Variants in TRIM66 observed in about 807,000 individuals in gnomAD.
TRIM66 encodes the protein tripartite motif containing 66.
TRIM66 carries 99 observed loss-of-function variants against 148.2 expected under a neutral mutation model. The observed-to-expected ratio is 0.67, with a 90% CI of 0.57 to 0.79. The LOEUF is 0.79. TRIM66 is among the 30% of genes least tolerant of loss of function. The probability of loss-of-function intolerance (pLI) is 0.00; values close to 1 mark genes in which losing one functional copy is unlikely to be tolerated. For synonymous variants in TRIM66, 616 were observed against 635.9 expected (o/e 0.97, Z 0.47); for missense variants, 1,666 against 1,697.9 (o/e 0.98, Z 0.33).
Position 8,679,704 on chromosome 11 carries a change from A to AAAT in TRIM66, c.-277_-275dup. On this transcript the variant is annotated 5_prime_UTR_variant, in exon 3 of 25. Transcript: ENST00000646038. ...GCACTTACTGGCCAGTTTTGATGTC[A>AAAT]AATAGACGACGATGTCTTCTTTGAT... The AAAT allele has an allele frequency of 6.5e-6, 1 of 152,742 alleles. No individual in the cohort carries two copies. The highest frequency in any genetic ancestry group is 1.9e-4 in the East Asian group (1 of 5,172). The allele number at this position is 152,742 out of a possible 1,614,324, so 9.5% of individuals were successfully genotyped here.
intron 4 of TRIM66, among the ~76,000 whole-genome samples, chr11:8,674,285 ATT>A (rs2039078368): frequency 6.6e-6 from 1 of 152,270 alleles, no homozygotes; most frequent in Non-Finnish European, 1.5e-5. Flanking sequence ...AGCTGAGAAA[ATT>A]TTAAAACATT....
intron 6 of TRIM66, among the ~76,000 whole-genome samples, chr11:8,667,640 CT>C (rs1386064161): frequency 6.6e-6 from 1 of 152,222 alleles, no homozygotes; most frequent in Non-Finnish European, 1.5e-5. Flanking sequence ...CTCTGAACAT[CT>C]CATGTAACCA....
At chr11:8,649,570 G>C (rs1468865679) in intron 8 of TRIM66, among the ~76,000 whole-genome samples, 170 bp downstream of exon 8, 3 of 152,202 alleles carry the variant, frequency 2.0e-5, no homozygotes, top group African/African-American at 7.2e-5. Context: ...AGGGACGAGA[G>C]TGAGTCACCC....
At chr11:8,664,880 A>C (rs917296451) in intron 6 of TRIM66, among the ~76,000 whole-genome samples, 1 of 152,126 alleles carries the variant, frequency 6.6e-6, no homozygotes, top group Non-Finnish European at 1.5e-5. Context: ...CTGTTGAAGA[A>C]TTAGAGTTGA....
upstream of TRIM66, chr11:8,683,024 G>A (rs931330037): frequency 5.9e-6 from 5 of 844,372 alleles, no homozygotes; most frequent in Admixed American, 2.8e-5. Context: ...AGGACACGCG[G>A]GCCCCTGCGC....
chr11:8,643,337 CT>C (rs376014687), intron 12 of TRIM66, among the ~76,000 whole-genome samples: 13,911 of 140,282 alleles, frequency 0.099, 737 homozygotes, highest in East Asian at 0.25. Flanking sequence ...AACCTACATT[CT>C]TTTTTTTTTT....
At chr11:8,624,216 G>C in intron 17 of TRIM66, 143 bp downstream of exon 17, 1 of 933,334 alleles carries the variant, frequency 1.1e-6, no homozygotes, top group Non-Finnish European at 1.6e-6. Context: ...GACAGTTCCG[G>C]AGGAGAGAAG....
At chr11:8,632,989 A>G (rs2035553130) in intron 15 of TRIM66, among the ~76,000 whole-genome samples, 1 of 152,158 alleles carries the variant, frequency 6.6e-6, no homozygotes, top group Non-Finnish European at 1.5e-5. Context: ...AGTAAAGAGG[A>G]TCTCAGAATC....
intron 6 of TRIM66, among the ~76,000 whole-genome samples, chr11:8,670,007 G>GTTTTTTTTTTTTTTTTTT (rs752586311): frequency 7.2e-6 from 1 of 138,474 alleles, no homozygotes. Context: ...GTCTTGTTTT[G>GTTTTTTTTTTTTTTTTTT]TTTTTATTTA....
chr11:8,668,616 C>T lies in TRIM66; in HGVS notation c.340+3170G>A, dbSNP rs951597030. Among the ~76,000 whole-genome samples, 8 of 151,486 alleles carry T rather than the reference C, an allele frequency of 5.3e-5. No homozygotes were observed. In the South Asian group the frequency reaches 6.3e-4, roughly 12 times the overall value. ...TTTTTTTTTTTTTGAGATGGAGTCT[C>T]GCTCTGTCGCCCAGGCTGGAGTGCA... On this transcript the variant is annotated intron_variant, in intron 6 of 24. Transcript: ENST00000646038.
intron 3 of TRIM66, among the ~76,000 whole-genome samples, chr11:8,676,198 C>G (rs1427649753): frequency 6.6e-6 from 1 of 151,506 alleles, no homozygotes; most frequent in Non-Finnish European, 1.5e-5. Context: ...AAATTGTTAC[C>G]ACTTCATCAT....
At chr11:8,645,423 T>C (rs1192185451) in intron 12 of TRIM66, among the ~76,000 whole-genome samples, 2 of 152,190 alleles carry the variant, frequency 1.3e-5, no homozygotes, top group Non-Finnish European at 2.9e-5. Flanking sequence ...AGCACACTGC[T>C]CATGTCCAGG....
chr11:8,624,236 C>T, intron 17 of TRIM66, 123 bp downstream of exon 17: 1 of 1,118,550 alleles, frequency 8.9e-7, no homozygotes, highest in South Asian at 1.6e-5. Context: ...GTAAATTCAG[C>T]CTCAGAGAGA....
intron 10 of TRIM66, among the ~76,000 whole-genome samples, chr11:8,647,355 C>T (rs546761405): frequency 6.6e-6 from 1 of 152,208 alleles, no homozygotes; most frequent in Non-Finnish European, 1.5e-5. Flanking sequence ...AGCACAGTCA[C>T]TGGCTAGTTG....
At chr11:8,656,100 C>T (rs1249190899) in intron 6 of TRIM66, among the ~76,000 whole-genome samples, 3 of 152,194 alleles carry the variant, frequency 2.0e-5, no homozygotes, top group African/African-American at 7.2e-5. Flanking sequence ...TCTTCCCTCA[C>T]AAAGTCCCTA....
chr11:8,667,067 C>T (rs1250455929), intron 6 of TRIM66, among the ~76,000 whole-genome samples: 1 of 152,148 alleles, frequency 6.6e-6, no homozygotes, highest in African/African-American at 2.4e-5. Context: ...ATCCACCTGC[C>T]TTGGCCTCTC....
intron 15 of TRIM66, among the ~76,000 whole-genome samples, chr11:8,633,305 A>G (rs1228157386): frequency 6.6e-6 from 1 of 150,758 alleles, no homozygotes. Context: ...CTGGGCAACA[A>G]GAGTGAAACT....
chr11:8,673,839 ATCTGGG>A (rs2039056989), intron 4 of TRIM66, among the ~76,000 whole-genome samples: 1 of 152,212 alleles, frequency 6.6e-6, no homozygotes, highest in Non-Finnish European at 1.5e-5. Flanking sequence ...TTTAATTCAA[ATCTGGG>A]TCTTGGTAAT....
In TRIM66 at chr11:8,671,809, T is replaced by C. The variant is rs1267939230; in HGVS notation, c.317A>G (p.Lys106Arg). ...ACCATCTGCAACAGTCTCATGAGCC[T>C]TGGCAATCTGCCCTAGCTCCTGTAT... is the stretch of plus-strand genomic sequence containing the variant. ...GLIQELGQIAKAHETVADELI... is the reference protein window; with the variant it reads ...GLIQELGQIARAHETVADELI... Residue 106 changes from lysine to arginine, a missense_variant, in exon 6 of 25, where the codon AAG becomes AGG. Physicochemically the swap from Lys to Arg is conservative, Grantham distance 26 (BLOSUM62 2). Transcript: ENST00000646038. The C allele has an allele frequency of 1.4e-6, 2 of 1,475,892 alleles. No homozygotes were observed. Among genetic ancestry groups the C allele is most frequent in the Non-Finnish European group, 1.8e-6 (2 of 1,091,942 alleles). 91.4% of individuals were successfully genotyped at this position (1,475,892 alleles called of 1,614,324 possible).
Sources: gnomAD v4.1 joint callset for allele counts (sites outside exome capture counted in the v4.1 genomes callset) on GRCh38, gnomAD v4.1.1 for gene constraint, MANE v1.5 for transcripts, NCBI Gene and HGNC (gene_info 2026-07-23, HGNC 2026-07-21) for gene names.